The following FAF1 variants were observed in gnomAD, a reference collection of about 807,000 sequenced individuals.
The protein encoded by FAF1 is FAS-associated factor 1.
FAF1 carries 25 observed loss-of-function variants against 92.5 expected under a neutral mutation model. The observed-to-expected ratio is 0.27, with a 90% CI of 0.20 to 0.38. The LOEUF is 0.38. Among genes scored for constraint, FAF1 ranks in the 10% least tolerant of loss-of-function variants. FAF1 has a pLI of 1.00. For missense variants in FAF1, 636 were observed against 793.3 expected (o/e 0.80, Z 2.38); for synonymous variants, 234 against 273.2 (o/e 0.86, Z 1.42).
At chr1:50,556,229 C>T (rs1341153824) in intron 13 of FAF1, among the ~76,000 whole-genome samples, 2 of 117,946 alleles carry the variant, frequency 1.7e-5, no homozygotes, top group African/African-American at 6.9e-5. Context: ...AAGAGCGAGA[C>T]TCCATCTCCA....
At chr1:50,935,533 G>A (rs1451069121) in intron 1 of FAF1, among the ~76,000 whole-genome samples, 2 of 150,358 alleles carry the variant, frequency 1.3e-5, no homozygotes, top group Non-Finnish European at 3.0e-5. Flanking sequence ...TGCAGTAGCA[G>A]GGTATCAGCT....
intron 2 of FAF1, among the ~76,000 whole-genome samples, chr1:50,836,472 C>CA (rs1644206705): frequency 6.6e-6 from 1 of 151,750 alleles, no homozygotes; most frequent in Admixed American, 6.6e-5. Context: ...AAAATTGGAC[C>CA]AAAATAGTAA....
At chr1:50,881,452 T>C (rs1644611752) in intron 1 of FAF1, among the ~76,000 whole-genome samples, 1 of 152,214 alleles carries the variant, frequency 6.6e-6, no homozygotes, top group Non-Finnish European at 1.5e-5. Context: ...TTGAGTTTCA[T>C]GGTAACTGAT....
intron 4 of FAF1, among the ~76,000 whole-genome samples, chr1:50,752,167 C>T (rs2137676): frequency 6.6e-6 from 1 of 152,050 alleles, no homozygotes; most frequent in Non-Finnish European, 1.5e-5. Context: ...ACGGGGGTCT[C>T]GTCCTGTTGG....
At chr1:50,953,512 T>C (rs1645237811) in intron 1 of FAF1, among the ~76,000 whole-genome samples, 1 of 151,702 alleles carries the variant, frequency 6.6e-6, no homozygotes, top group Non-Finnish European at 1.5e-5. Context: ...CCACAGTGGG[T>C]GGATCAACTG....
chr1:50,442,721 G>T (rs187708064), intron 18 of FAF1, among the ~76,000 whole-genome samples: 2 of 152,308 alleles, frequency 1.3e-5, no homozygotes, highest in African/African-American at 4.8e-5. Flanking sequence ...AGGGGTGGGG[G>T]ATATGGGGAA....
chr1:50,591,199 T>C (rs1405606594), intron 9 of FAF1, among the ~76,000 whole-genome samples: 2 of 152,226 alleles, frequency 1.3e-5, no homozygotes, highest in Middle Eastern at 3.2e-3. Flanking sequence ...TTTTCCTTCA[T>C]TCTGTAAATG....
intron 15 of FAF1, among the ~76,000 whole-genome samples, chr1:50,525,475 T>C (rs1229003375): frequency 6.6e-6 from 1 of 152,204 alleles, no homozygotes; most frequent in Non-Finnish European, 1.5e-5. Flanking sequence ...TCTCTAGGGT[T>C]TTCTCATGTA....
chr1:50,924,927 G>A (rs2124737385), intron 1 of FAF1, among the ~76,000 whole-genome samples: 1 of 152,308 alleles, frequency 6.6e-6, no homozygotes, highest in Non-Finnish European at 1.5e-5. Context: ...AGGCTGCAGT[G>A]AGCTGAGATC....
chr1:50,643,166 G>A (rs751427654), intron 8 of FAF1, among the ~76,000 whole-genome samples: 4 of 152,010 alleles, frequency 2.6e-5, no homozygotes, highest in Non-Finnish European at 4.4e-5. Context: ...TCAGCATTGC[G>A]TTTTATCTCT....
chr1:50,787,664 T>C (rs1003194464), intron 4 of FAF1, among the ~76,000 whole-genome samples: 4 of 152,188 alleles, frequency 2.6e-5, no homozygotes, highest in Admixed American at 1.3e-4. Context: ...ATATATCCTA[T>C]GAAAAATGAG....
intron 8 of FAF1, among the ~76,000 whole-genome samples, chr1:50,619,228 A>G (rs1414830009): frequency 6.6e-6 from 1 of 152,198 alleles, no homozygotes; most frequent in Non-Finnish European, 1.5e-5. Context: ...CGTTTAGCCC[A>G]TTTATATTCA....
chr1:50,489,466 C>T (rs1215283973), intron 17 of FAF1, among the ~76,000 whole-genome samples: 1 of 152,160 alleles, frequency 6.6e-6, no homozygotes, highest in Non-Finnish European at 1.5e-5. Flanking sequence ...ATGAAGCCAG[C>T]CTAGGAAGTC....
At chr1:50,716,212 G>A (rs1268333001) in intron 6 of FAF1, among the ~76,000 whole-genome samples, 4 of 152,038 alleles carry the variant, frequency 2.6e-5, no homozygotes, top group Non-Finnish European at 5.9e-5. Flanking sequence ...TACAATAGTA[G>A]TAGGCAAACT....
chr1:50,634,934 T>C (rs1398770564), intron 8 of FAF1, among the ~76,000 whole-genome samples: 1 of 152,212 alleles, frequency 6.6e-6, no homozygotes, highest in Non-Finnish European at 1.5e-5. Flanking sequence ...TAACAGATAG[T>C]AACTATATTC....
intron 1 of FAF1, among the ~76,000 whole-genome samples, chr1:50,893,970 C>G (rs1320330511): frequency 6.6e-6 from 1 of 152,090 alleles, no homozygotes; most frequent in African/African-American, 2.4e-5. Flanking sequence ...CCTGTGGTAA[C>G]CACCACCACA....
At chr1:50,855,177 C>T (rs2124662736) in intron 2 of FAF1, among the ~76,000 whole-genome samples, 2 of 151,906 alleles carry the variant, frequency 1.3e-5, no homozygotes, top group South Asian at 4.1e-4. Context: ...GTGTAATACA[C>T]ACAGATCAGA....
chr1:50,740,228 ATAAAGAATGTGGGG>A (rs1659328019), intron 5 of FAF1, among the ~76,000 whole-genome samples: 1 of 152,106 alleles, frequency 6.6e-6, no homozygotes, highest in Non-Finnish European at 1.5e-5. Context: ...GGAAGGGGGG[ATAAAGAATGTGGGG>A]TTGAGCTTAG....
At chr1:50,666,219 C>CT (rs1282635244) in intron 7 of FAF1, among the ~76,000 whole-genome samples, 1 of 151,818 alleles carries the variant, frequency 6.6e-6, no homozygotes, top group East Asian at 1.9e-4. Context: ...CGGCTGGACA[C>CT]TTTTTTTGTG....
Sources: gnomAD v4.1 joint callset for allele counts (sites outside exome capture counted in the v4.1 genomes callset) on GRCh38, gnomAD v4.1.1 for gene constraint, MANE v1.5 for transcripts, NCBI Gene and HGNC (gene_info 2026-07-23, HGNC 2026-07-21) for gene names.